The following KNG1 variants were observed in gnomAD, a reference collection of about 807,000 sequenced individuals.
KNG1 encodes the protein kininogen 1.
Under a neutral mutation model 47.8 loss-of-function variants are expected in KNG1, and 23 were observed. The observed-to-expected ratio is 0.48, with a 90% CI of 0.35 to 0.68. KNG1 has a LOEUF of 0.68. Among genes scored for constraint, KNG1 ranks in the 30% least tolerant of loss-of-function variants. KNG1 has a pLI of 0.01. For synonymous variants in KNG1, 277 were observed against 277.0 expected (o/e 1.00, Z 0.00); for missense variants, 762 against 790.2 (o/e 0.96, Z 0.43).
At chr3:186,723,128 T>TC (rs1720252536) in intron 3 of KNG1, among the ~76,000 whole-genome samples, 1 of 152,114 alleles carries the variant, frequency 6.6e-6, no homozygotes. Context: ...TTTCTTTTTT[T>TC]CTTTTACTGA....
At chr3:186,729,951 C>A (rs143107315) in intron 5 of KNG1, among the ~76,000 whole-genome samples, 2 of 152,178 alleles carry the variant, frequency 1.3e-5, no homozygotes, top group Admixed American at 1.3e-4. Context: ...TATCACACAG[C>A]ACCTGGCTAT....
chr3:186,740,983 T>G (rs576297495), intron 9 of KNG1, among the ~76,000 whole-genome samples: 322 of 151,920 alleles, frequency 2.1e-3, no homozygotes, highest in East Asian at 0.013. Flanking sequence ...TTGTTTTTTT[T>G]TTGTTGTTGT....
chr3:186,727,907 C>T (rs1295631153), intron 5 of KNG1, among the ~76,000 whole-genome samples: 1 of 152,086 alleles, frequency 6.6e-6, no homozygotes, highest in Non-Finnish European at 1.5e-5. Context: ...CCAGGGACTA[C>T]GAATAGATAA....
chr3:186,733,485 T>C (rs1195518756), intron 7 of KNG1, among the ~76,000 whole-genome samples: 1 of 152,118 alleles, frequency 6.6e-6, no homozygotes, highest in African/African-American at 2.4e-5. Flanking sequence ...CTCCTGCAAA[T>C]GTACCCTCTG....
At chr3:186,720,531 A>AG in intron 2 of KNG1, 1 of 238,162 alleles carries the variant, frequency 4.2e-6, no homozygotes, top group South Asian at 3.8e-5. Context: ...TGGCGAGGGG[A>AG]GGGGGTGGGT....
Position 186,717,438 on chromosome 3 carries a change from G to A in KNG1, c.-105G>A, listed in dbSNP as rs1720012050. 1.1e-6 allele frequency: 1 copy of A among 883,314 alleles called. No individual in the cohort carries two copies. Among genetic ancestry groups the A allele is most frequent in the South Asian group, 1.4e-5 (1 of 73,030 alleles). The allele number at this position is 883,314 out of a possible 1,614,324, so 54.7% of individuals were successfully genotyped here. On this transcript the variant is annotated 5_prime_UTR_variant, in exon 1 of 10. Transcript: ENST00000644859. ...GCCCTGAGTTCTGAGGCAGAGAGGA[G>A]GACAGAAGAAACAAGAGGCTGGAGA...
At position 186,740,975 on chromosome 3, in the gene KNG1, GTT is replaced by G. The variant is rs201397028; in HGVS notation, c.1126-538_1126-537del. On this transcript the variant is annotated intron_variant, in intron 9 of 9. Transcript: ENST00000644859. ...TGTTGTTGTTTGGCTGGGTTTTTTT[GTT>G]TTTTTTTTGTTGTTGTTGTTGTTTG... 3.8e-3 allele frequency among the ~76,000 whole-genome samples: 520 copies of G among 135,556 alleles called. 12 individuals are homozygous for G. The East Asian group carries it at 0.055, about 14-fold the overall frequency. 88.9% of individuals were successfully genotyped at this position (135,556 alleles called of 152,430 possible). A position where few individuals can be genotyped will look rare whatever the true frequency, so the allele number is the denominator to read the frequency against.
chr3:186,739,015 A>G (rs1282146544), intron 7 of KNG1, 84 bp from the exon 8 acceptor site: 2 of 1,162,864 alleles, frequency 1.7e-6, no homozygotes, highest in East Asian at 5.0e-5. Flanking sequence ...AAATTTCAAG[A>G]TTCTCCCTTA....
chr3:186,725,360 A>G (rs1389728140), intron 4 of KNG1, 100 bp downstream of exon 4: 1 of 1,180,904 alleles, frequency 8.5e-7, no homozygotes, highest in African/African-American at 1.5e-5. Context: ...TTTTCATGTG[A>G]CTAGCACAGG....
At chr3:186,729,019 C>A (rs1720444394) in intron 5 of KNG1, 1 of 151,984 alleles carries the variant, frequency 6.6e-6, no homozygotes. Context: ...ATTGAGCATG[C>A]ATTTATTTTA....
At chr3:186,737,273 T>G (rs1166675217) in intron 7 of KNG1, among the ~76,000 whole-genome samples, 2 of 152,216 alleles carry the variant, frequency 1.3e-5, no homozygotes, top group Non-Finnish European at 2.9e-5. Flanking sequence ...AATGACCGTT[T>G]TAACTTCTCT....
chr3:186,737,139 A>G (rs1720690421), intron 7 of KNG1, among the ~76,000 whole-genome samples: 1 of 152,230 alleles, frequency 6.6e-6, no homozygotes, highest in African/African-American at 2.4e-5. Context: ...TGCCTGGCCA[A>G]TGCCACGTAT....
rs1720318171 is a variant in KNG1 at position 186,725,101 on chromosome 3, G to A, written c.405G>A (p.Val135=). The A allele has an allele frequency of 1.2e-6, 2 of 1,614,036 alleles. No homozygotes were observed. Among genetic ancestry groups the A allele is most frequent in the Non-Finnish European group, 1.7e-6 (2 of 1,180,008 alleles). Residue 135 remains valine, a synonymous_variant, in exon 4 of 10, where the codon GTG becomes GTA. Coordinates refer to ENST00000644859, the MANE Select transcript of KNG1 (RefSeq NM_001102416.3). The part of the protein sequence containing the change: ...TCQITPAEGP[V]VTAQYDCLGC... Reference sequence around the variant, plus strand: ...CTCTTTGTTAAGCCGAGGGCCCTGTGGTGACAGCCCAGTACGACTGCCTCG... The same window carrying A: ...CTCTTTGTTAAGCCGAGGGCCCTGTAGTGACAGCCCAGTACGACTGCCTCG...
chr3:186,728,583 A>G (rs186129201), intron 5 of KNG1: 6 of 152,380 alleles, frequency 3.9e-5, no homozygotes, highest in Admixed American at 3.9e-4. Flanking sequence ...ATAAATGTAA[A>G]TACAAAAAGT....
In KNG1 at chr3:186,725,151, A is replaced by G. The variant is rs2108623043; in HGVS notation, c.455A>G (p.Gln152Arg). The G allele has an allele frequency of 1.9e-6, 3 of 1,614,180 alleles. No individual in the cohort carries two copies. The highest frequency in any genetic ancestry group is 1.7e-6 in the Non-Finnish European group (2 of 1,180,020). ...CLGCVHPIST[Q>R]SPDLEPILRH... ...GGCTGTGTGCATCCTATATCAACGC[A>G]GAGCCCAGACCTGGAGCCCATTCTG... Residue 152 changes from glutamine to arginine, a missense_variant, in exon 4 of 10, where the codon CAG (glutamine) becomes CGG (arginine). Transcript: ENST00000644859.
chr3:186,719,016 A>C (rs942208463), intron 1 of KNG1, among the ~76,000 whole-genome samples: 4 of 152,144 alleles, frequency 2.6e-5, no homozygotes, highest in South Asian at 4.1e-4. Context: ...AAAACTAGCC[A>C]TGTGACAACA....
intron 1 of KNG1, 136 bp downstream of exon 1, chr3:186,717,873 CCACCACCACAACCACCACCACCACCCA>C (rs1720036927): frequency 1.7e-5 from 5 of 297,320 alleles, no homozygotes; most frequent in East Asian, 1.1e-4. Flanking sequence ...TCACCCACCA[CCACCACCACAACCACCACCACCACCCA>C]CCACCACCAC....
chr3:186,727,536 C>A (rs948122454), intron 5 of KNG1, among the ~76,000 whole-genome samples, 192 bp downstream of exon 5: 5 of 152,146 alleles, frequency 3.3e-5, no homozygotes, highest in African/African-American at 1.2e-4. Flanking sequence ...AAAGAATCTG[C>A]ACAGCTAGCA....
intron 3 of KNG1, 73 bp downstream of exon 3, chr3:186,722,594 AC>A: frequency 8.3e-7 from 1 of 1,201,182 alleles, no homozygotes; most frequent in Non-Finnish European, 1.2e-6. Context: ...CACAATCTTG[AC>A]CAGGCTCTGC....
Sources: allele counts gnomAD v4.1 joint callset (sites outside exome capture counted in the v4.1 genomes callset), GRCh38; gene constraint gnomAD v4.1.1; transcripts MANE v1.5; gene names NCBI Gene and HGNC (gene_info 2026-07-23, HGNC 2026-07-21).